The following WARS2 variants were observed in gnomAD, a reference collection of about 807,000 sequenced individuals.
WARS2 encodes the protein tryptophanyl tRNA synthetase 2, mitochondrial, also known as tryptophan--tRNA ligase, mitochondrial.
In WARS2, 28 loss-of-function variants were observed where a neutral mutation model predicts 36.5. The observed-to-expected ratio is 0.77, with a 90% confidence interval of 0.57 to 1.05. The LOEUF (loss-of-function observed/expected upper bound fraction) is 1.05, where lower values mean the gene tolerates loss of function less well. Ranked by LOEUF, WARS2 falls within the 50% of genes least tolerant of loss-of-function variation. The pLI, the probability that WARS2 is intolerant of heterozygous loss-of-function variation, is 0.00. For synonymous variants in WARS2, 174 were observed against 178.4 expected, an observed-to-expected ratio of 0.98 and a Z score of 0.20; for missense variants, 435 against 456.8, an observed-to-expected ratio of 0.95 and a Z score of 0.44.
intron 1 of WARS2, chr1:119,140,322 AAG>A: frequency 2.6e-6 from 1 of 382,808 alleles, no homozygotes; most frequent in East Asian, 4.0e-5. Flanking sequence ...AGGTGGCGGC[AAG>A]AGGTCAGAAA....
chr1:119,067,250 G>T (rs905308366), intron 2 of WARS2, among the ~76,000 whole-genome samples: 1 of 152,174 alleles, frequency 6.6e-6, no homozygotes, highest in African/African-American at 2.4e-5. Context: ...AAACACATTT[G>T]TAGGAATGAT....
chr1:119,127,215 GA>G, intron 1 of WARS2: 1 of 733,998 alleles, frequency 1.4e-6, no homozygotes. Flanking sequence ...ATCCTTCTTC[GA>G]AAATGGATCG....
rs139548132 is a variant in WARS2 at position 119,140,608 on chromosome 1, A to T, written c.37T>A (p.Trp13Arg). Reference sequence around the variant, plus strand: ...TTATGAAGTGCCCGGATGAAGCTCCAGCGCTCACGCGCTTTCCGCATTGAG... The same window carrying T: ...TTATGAAGTGCCCGGATGAAGCTCCTGCGCTCACGCGCTTTCCGCATTGAG... ...LHSMRKARER[W>R]SFIRALHKGS... Residue 13 changes from tryptophan (W) to arginine (R), a missense_variant, in exon 1 of 6, where the codon TGG (tryptophan) becomes AGG (arginine). Trp to Arg is a moderately radical substitution (Grantham distance 101, BLOSUM62 -3). Coordinates refer to ENST00000235521, the MANE Select transcript of WARS2 (RefSeq NM_015836.4). 4.3e-6 allele frequency: 7 copies of T among 1,613,840 alleles called. No homozygotes were observed. The highest frequency in any genetic ancestry group is 1.6e-4 in the Middle Eastern group (1 of 6,082).
At chr1:119,120,781 T>C (rs1306468245) in intron 1 of WARS2, among the ~76,000 whole-genome samples, 1 of 151,718 alleles carries the variant, frequency 6.6e-6, no homozygotes, top group East Asian at 1.9e-4. Context: ...CAAACAGAAA[T>C]GAAAACAAAA....
At chr1:119,041,241 TTTTCCCAGAAGC>T (rs2101117472) in intron 4 of WARS2, among the ~76,000 whole-genome samples, 1 of 152,328 alleles carries the variant, frequency 6.6e-6, no homozygotes, top group East Asian at 1.9e-4. Context: ...CAGTGTCTTC[TTTTCCCAGAAGC>T]TTTCACAGTA....
intron 1 of WARS2, among the ~76,000 whole-genome samples, chr1:119,093,869 C>T (rs1653234753): frequency 6.6e-6 from 1 of 152,136 alleles, no homozygotes; most frequent in Non-Finnish European, 1.5e-5. Flanking sequence ...CTATTTCTGT[C>T]AGAAATTCAC....
intron 1 of WARS2, among the ~76,000 whole-genome samples, chr1:119,077,083 A>G (rs1256201810): frequency 1.4e-5 from 2 of 138,630 alleles, no homozygotes; most frequent in East Asian, 4.3e-4. Context: ...GGCTGCAGTG[A>G]GCCAAGATTG....
chr1:119,036,128 C>T (rs1358304503), intron 4 of WARS2, among the ~76,000 whole-genome samples: 1 of 152,052 alleles, frequency 6.6e-6, no homozygotes, highest in African/African-American at 2.4e-5. Flanking sequence ...CTCTTGAACC[C>T]GGAGGCGGAG....
intron 1 of WARS2, among the ~76,000 whole-genome samples, chr1:119,089,950 GAACACCACACACT>G (rs980363618): frequency 7.9e-5 from 12 of 152,178 alleles, no homozygotes; most frequent in African/African-American, 2.9e-4. Context: ...ACATGGTGGG[GAACACCACACACT>G]GAGGCCTGTC....
intron 4 of WARS2, among the ~76,000 whole-genome samples, chr1:119,035,003 C>A (rs1296546086): frequency 1.3e-5 from 2 of 152,088 alleles, no homozygotes; most frequent in Non-Finnish European, 2.9e-5. Context: ...AAGAAAAGAA[C>A]AAAGGAGACT....
At chr1:119,075,268 T>C (rs1406526631) in intron 2 of WARS2, among the ~76,000 whole-genome samples, 1 of 152,164 alleles carries the variant, frequency 6.6e-6, no homozygotes, top group African/African-American at 2.4e-5. Context: ...ACTATTTGCA[T>C]AGCATTTATA....
At chr1:119,133,259 C>T (rs1044467406) in intron 1 of WARS2, among the ~76,000 whole-genome samples, 3 of 152,106 alleles carry the variant, frequency 2.0e-5, no homozygotes, top group South Asian at 2.1e-4. Context: ...ATTCATTGAG[C>T]GAAACAAGAC....
Position 119,076,626 on chromosome 1 carries a change from A to G in WARS2, c.91-19T>C, listed in dbSNP as rs771086441. 2.5e-6 allele frequency: 4 copies of G among 1,613,286 alleles called. No homozygotes were observed. ...TGTCTTTCTGGAACAAAGGAAAACA[A>G]GCATATTTGCTTTTGAGGCAGAATC... On this transcript the variant is annotated intron_variant, in intron 1 of 5. Coordinates refer to ENST00000235521, the MANE Select transcript of WARS2 (RefSeq NM_015836.4).
chr1:119,076,371 G>A lies in WARS2; in HGVS notation c.327C>T (p.Ser109=), dbSNP rs778590834. The part of the protein sequence containing the change: ...LLACGINPEK[S]ILFQQSQVSE... ...TGACCTGAGATTGTTGGAAAAGGAT[G>A]CTTTTTTCCGGGTTTATGCCACAGG... Residue 109 remains serine (S), a synonymous_variant, in exon 2 of 6, where the codon AGC becomes AGT. Coordinates refer to ENST00000235521, the MANE Select transcript of WARS2 (RefSeq NM_015836.4). The A allele has an allele frequency of 1.9e-6, 3 of 1,614,130 alleles. No individual in the cohort carries two copies. Among genetic ancestry groups the A allele is most frequent in the East Asian group, 2.2e-5 (1 of 44,882 alleles).
Position 119,032,919 on chromosome 1 carries a change from A to C in WARS2, c.1075T>G (p.Phe359Val). ...TGATTCGTTGAAACTTCCTATAGAAAACCCACCAATTTCTTCACCTCCTGG... is the reference window on the plus strand; with the variant it reads ...TGATTCGTTGAAACTTCCTATAGAACACCCACCAATTTCTTCACCTCCTGG... The part of the protein sequence containing the change: ...VCQEVKKLVG[F>V]L Residue 359 changes from phenylalanine to valine, a missense_variant, in exon 6 of 6, where the codon TTT (phenylalanine) becomes GTT (valine). Coordinates refer to ENST00000235521, the MANE Select transcript of WARS2 (RefSeq NM_015836.4). 6 of 1,610,696 alleles carry C rather than the reference A, an allele frequency of 3.7e-6. No individual in the cohort carries two copies. The highest frequency in any genetic ancestry group is 5.1e-6 in the Non-Finnish European group (6 of 1,177,458).
At chr1:119,126,586 C>G (rs1003486332) in intron 1 of WARS2, 3 of 648,580 alleles carry the variant, frequency 4.6e-6, no homozygotes, top group Middle Eastern at 4.5e-4. Flanking sequence ...GTTCGTTCAA[C>G]TTTAGCACCT....
intron 1 of WARS2, among the ~76,000 whole-genome samples, chr1:119,135,743 T>TAGATAGAC (rs1656449582): frequency 8.7e-6 from 1 of 115,226 alleles, no homozygotes; most frequent in African/African-American, 2.9e-5. Context: ...GATAGATAGA[T>TAGATAGAC]AGATAGATAG....
chr1:119,094,193 C>G (rs961298065), intron 1 of WARS2, among the ~76,000 whole-genome samples: 3 of 152,136 alleles, frequency 2.0e-5, no homozygotes, highest in African/African-American at 7.2e-5. Flanking sequence ...TCCATTTAAA[C>G]AGTAGCTCTG....
chr1:119,072,697 G>A (rs1246103283), intron 2 of WARS2, among the ~76,000 whole-genome samples: 1 of 152,152 alleles, frequency 6.6e-6, no homozygotes, highest in Non-Finnish European at 1.5e-5. Flanking sequence ...GGGAGAGTCA[G>A]GGTAATTTGG....
Sources: allele counts gnomAD v4.1 joint callset (sites outside exome capture counted in the v4.1 genomes callset), GRCh38; gene constraint gnomAD v4.1.1; transcripts MANE v1.5; gene names NCBI Gene and HGNC (gene_info 2026-07-23, HGNC 2026-07-21).